TRIM24: variants seen among roughly 807,000 people sequenced by gnomAD.
TRIM24 encodes the protein tripartite motif containing 24, also known as transcription intermediary factor 1-alpha.
A neutral mutation model predicts 123.9 loss-of-function variants in TRIM24; 29 were observed. The ratio of observed to expected loss-of-function variants is 0.23; its 90% CI spans 0.17 to 0.32. The LOEUF (loss-of-function observed/expected upper bound fraction) is 0.32, where lower values mean the gene tolerates loss of function less well. Among genes scored for constraint, TRIM24 ranks in the 10% least tolerant of loss-of-function variants. The pLI is 1.00. For synonymous variants in TRIM24, 456 were observed against 461.1 expected, an observed-to-expected ratio of 0.99 and a Z score of 0.14; for missense variants, 932 against 1,295.3, an observed-to-expected ratio of 0.72 and a Z score of 4.31.
intron 2 of TRIM24, 42 bp downstream of exon 2, chr7:138,504,450 T>C: frequency 2.0e-6 from 1 of 488,574 alleles, no homozygotes; most frequent in Non-Finnish European, 2.9e-6. Context: ...GCCAGCTCTT[T>C]TTTTTTTTTT....
chr7:138,529,251 T>G, intron 6 of TRIM24, 21 bp downstream of exon 6: 4 of 1,211,236 alleles, frequency 3.3e-6, no homozygotes, highest in East Asian at 2.6e-5. Context: ...GCCCATGGGA[T>G]AGTATATTGA....
chr7:138,519,469 A>G lies in TRIM24; in HGVS notation c.764+148A>G, dbSNP rs1420983736. The G allele has an allele frequency of 3.6e-6, 3 of 833,034 alleles. No individual in the cohort carries two copies. In the East Asian group the frequency reaches 8.1e-5, roughly 22 times the overall value. 51.6% of individuals were successfully genotyped at this position (833,034 alleles called of 1,614,324 possible). Reference sequence around the variant, plus strand: ...CCTGTACTGGGGTTTGTCACTTTTGACACTATTGATGTTTTGGGCTAGGTA... The same window carrying G: ...CCTGTACTGGGGTTTGTCACTTTTGGCACTATTGATGTTTTGGGCTAGGTA... On this transcript the variant is annotated intron_variant, in intron 4 of 18. Coordinates refer to ENST00000343526, the MANE Select transcript of TRIM24 (RefSeq NM_015905.3).
At chr7:138,532,161 A>G (rs1380993659) in intron 6 of TRIM24, among the ~76,000 whole-genome samples, 3 of 151,570 alleles carry the variant, frequency 2.0e-5, no homozygotes, top group Non-Finnish European at 4.4e-5. Flanking sequence ...CCCATTCTGT[A>G]GGTTGCCTGT....
At position 138,538,791 on chromosome 7, in the gene TRIM24, T is replaced by C. The variant is rs1347625538; in HGVS notation, c.1131T>C (p.Tyr377=). 6 of 1,613,864 alleles carry C rather than the reference T, an allele frequency of 3.7e-6. No individual in the cohort carries two copies. Among genetic ancestry groups the C allele is most frequent in the African/African-American group, 2.7e-5 (2 of 74,922 alleles). The stretch of plus-strand genomic sequence containing the variant: ...GTGGCAGCAGTACAGCATTACTTTA[T>C]AGCAAACGACTGGTAAGATAAAGTA... The part of the protein sequence containing the change: ...VSSGSSTALL[Y]SKRLITYRLR... Residue 377 remains tyrosine, a synonymous_variant, in exon 7 of 19, where the codon TAT becomes TAC. Transcript: ENST00000343526.
chr7:138,558,837 A>G (rs1345782560), intron 9 of TRIM24, among the ~76,000 whole-genome samples: 1 of 152,134 alleles, frequency 6.6e-6, no homozygotes, highest in African/African-American at 2.4e-5. Context: ...CAGTAGTTTC[A>G]TATGTATGAC....
intron 1 of TRIM24, among the ~76,000 whole-genome samples, chr7:138,484,224 C>T (rs1191472148): frequency 6.6e-6 from 1 of 151,928 alleles, no homozygotes; most frequent in Admixed American, 6.6e-5. Flanking sequence ...ATTCTCCTGC[C>T]TCAACCTCCT....
At chr7:138,518,179 A>T (rs143826883) in intron 3 of TRIM24, among the ~76,000 whole-genome samples, 36 of 152,348 alleles carry the variant, frequency 2.4e-4, no homozygotes, top group Admixed American at 7.8e-4. Context: ...TGAGATGGAT[A>T]CATATACTAA....
intron 7 of TRIM24, among the ~76,000 whole-genome samples, chr7:138,549,523 C>T (rs1014986870): frequency 1.3e-5 from 2 of 151,996 alleles, no homozygotes; most frequent in South Asian, 2.1e-4. Context: ...GGGATTATAG[C>T]GTGCTAGAAA....
At chr7:138,512,667 T>TCCTGAGGCTTCTCAGGGGAGTGAGCC (rs1796314751) in intron 2 of TRIM24, among the ~76,000 whole-genome samples, 2 of 152,094 alleles carry the variant, frequency 1.3e-5, no homozygotes, top group Admixed American at 6.5e-5. Context: ...GGGAGCAGTG[T>TCCTGAGGCTTCTCAGGGGAGTGAGCC]CCTGAGGCTT....
chr7:138,532,161 A>T (rs1380993659), intron 6 of TRIM24, among the ~76,000 whole-genome samples: 3 of 151,570 alleles, frequency 2.0e-5, no homozygotes, highest in African/African-American at 7.3e-5. Flanking sequence ...CCCATTCTGT[A>T]GGTTGCCTGT....
chr7:138,486,645 A>T (rs1238562127), intron 1 of TRIM24, among the ~76,000 whole-genome samples: 1 of 152,002 alleles, frequency 6.6e-6, no homozygotes. Context: ...TCAGATGGTT[A>T]TAGATGTCTG....
chr7:138,542,103 C>A (rs945664685), intron 7 of TRIM24, among the ~76,000 whole-genome samples: 2 of 152,192 alleles, frequency 1.3e-5, no homozygotes, highest in Non-Finnish European at 2.9e-5. Context: ...AGCAATAAGT[C>A]TGCTTGGCAT....
At chr7:138,568,379 C>CTTTTTTT (rs60386130) in intron 10 of TRIM24, among the ~76,000 whole-genome samples, 1,389 of 68,634 alleles carry the variant, frequency 0.02, 152 homozygotes, top group Non-Finnish European at 0.024. Flanking sequence ...ACCTGGCCTC[C>CTTTTTTT]TTTTTTTTTT....
chr7:138,466,255 G>C (rs532135368), intron 1 of TRIM24, among the ~76,000 whole-genome samples: 1 of 151,980 alleles, frequency 6.6e-6, no homozygotes, highest in Non-Finnish European at 1.5e-5. Context: ...TCGGCCTCCC[G>C]AAGTGCTGGG....
At position 138,508,714 on chromosome 7, in the gene TRIM24, T is replaced by TGTGTGC. The variant is rs1177181577; in HGVS notation, c.483+4312_483+4317dup. Among the ~76,000 whole-genome samples, 25 of 90,374 alleles carry TGTGTGC rather than the reference T, an allele frequency of 2.8e-4. 1 individual carries two copies. Among genetic ancestry groups the TGTGTGC allele is most frequent in the African/African-American group, 9.6e-4 (20 of 20,856 alleles). 59.3% of individuals were successfully genotyped at this position (90,374 alleles called of 152,430 possible). On this transcript the variant is annotated intron_variant, in intron 2 of 18. Coordinates refer to ENST00000343526, the MANE Select transcript of TRIM24 (RefSeq NM_015905.3). ...GTGTGCGCGCGCGTGTGTGCGTGTG[T>TGTGTGC]GTGTGCGTGTGTGTGTGTGTGTGTG...
chr7:138,527,123 T>G (rs550168964), intron 5 of TRIM24, among the ~76,000 whole-genome samples: 1 of 152,338 alleles, frequency 6.6e-6, no homozygotes, highest in East Asian at 1.9e-4. Flanking sequence ...TTTCAGCACC[T>G]TTATAGACCA....
At chr7:138,467,339 GT>G (rs1332454736) in intron 1 of TRIM24, among the ~76,000 whole-genome samples, 1 of 127,130 alleles carries the variant, frequency 7.9e-6, no homozygotes, top group African/African-American at 3.1e-5. Context: ...GTTTTGTTTT[GT>G]TTTGTTTTGT....
chr7:138,579,086 T>C (rs895857385), intron 14 of TRIM24, 118 bp from the exon 15 acceptor site: 132 of 746,078 alleles, frequency 1.8e-4, no homozygotes, highest in Non-Finnish European at 2.0e-4. Context: ...TATACCCTTC[T>C]CCTGAAGATT....
At chr7:138,539,849 G>A (rs1022506034) in intron 7 of TRIM24, among the ~76,000 whole-genome samples, 4 of 142,862 alleles carry the variant, frequency 2.8e-5, no homozygotes, top group African/African-American at 1.0e-4. Flanking sequence ...CGCCCAGGCT[G>A]GAGTGCAGTG....
Sources: allele counts gnomAD v4.1 joint callset (sites outside exome capture counted in the v4.1 genomes callset), GRCh38; gene constraint gnomAD v4.1.1; transcripts MANE v1.5; gene names NCBI Gene and HGNC (gene_info 2026-07-23, HGNC 2026-07-21).